SSUH2: variants seen among roughly 807,000 people sequenced by gnomAD.
SSUH2 encodes protein SSUH2 homolog.
In SSUH2, 47 loss-of-function variants were observed where a neutral mutation model predicts 55.3. The observed-to-expected ratio is 0.85, with a 90% CI of 0.67 to 1.08. The LOEUF (loss-of-function observed/expected upper bound fraction) is 1.08, where lower values mean the gene tolerates loss of function less well. SSUH2 is among the 50% of genes least tolerant of loss of function. The probability of loss-of-function intolerance (pLI) is 0.00; values close to 1 mark genes in which losing one functional copy is unlikely to be tolerated. For missense variants in SSUH2, 535 were observed against 490.7 expected (o/e 1.09, Z -0.85); for synonymous variants, 212 against 191.5 (o/e 1.11, Z -0.89).
intron 5 of SSUH2, chr3:8,663,905 C>T (rs1415305669): frequency 2.3e-6 from 1 of 444,408 alleles, no homozygotes; most frequent in Non-Finnish European, 4.5e-6. Flanking sequence ...AAGGAGGGAA[C>T]TGCTTTCTGA....
intron 10 of SSUH2, among the ~76,000 whole-genome samples, chr3:8,625,268 GGAA>G (rs1331581389): frequency 2.0e-5 from 3 of 151,956 alleles, no homozygotes; most frequent in Non-Finnish European, 4.4e-5. Flanking sequence ...AAAAGAGCGA[GGAA>G]GAAGGGAGGG....
In SSUH2 at chr3:8,680,954, TATC is replaced by T. The variant is rs201377738; in HGVS notation, c.-1046+934_-1046+936del. Among the ~76,000 whole-genome samples the T allele has an allele frequency of 7.4e-3, 1,078 of 145,738 alleles. 13 individuals are homozygous for T. The highest frequency in any genetic ancestry group is 0.012 in the Non-Finnish European group (775 of 63,722). ...ACACTGCCTGTGATGCTGGAATTAT[TATC>T]ATCCTCTCCCCCTCTTCCCTCCCTG... On this transcript the variant is annotated intron_variant, in intron 1 of 18. Coordinates refer to the SSUH2 transcript ENST00000317371.
rs562977711 is a variant in SSUH2 at position 8,651,019 on chromosome 3, C to T, written c.-307+7906G>A. Among the ~76,000 whole-genome samples, 4 of 152,374 alleles carry T rather than the reference C, an allele frequency of 2.6e-5. No homozygotes were observed. In the South Asian group the frequency reaches 8.3e-4, roughly 32 times the overall value. ...GATGCTAATCTCATAAGGCAGAAGG[C>T]TGCCTGCCAGCAATTGCACGCATTT... On this transcript the variant is annotated intron_variant, in intron 7 of 18. Coordinates refer to the SSUH2 transcript ENST00000317371.
chr3:8,666,672 A>G (rs62244199), intron 5 of SSUH2, among the ~76,000 whole-genome samples: 8,325 of 152,314 alleles, frequency 0.055, 270 homozygotes, highest in Middle Eastern at 0.085. Context: ...ACCAAGCAGC[A>G]GATGCTAGCT....
chr3:8,641,754 A>G (rs1700889159), intron 1 of SSUH2, among the ~76,000 whole-genome samples: 2 of 152,260 alleles, frequency 1.3e-5, no homozygotes, highest in Admixed American at 6.5e-5. Context: ...CAGTCACCAC[A>G]GCTAACGGCA....
intron 4 of SSUH2, 117 bp from the exon 5 acceptor site, chr3:8,632,226 C>T: frequency 1.3e-6 from 1 of 786,902 alleles, no homozygotes; most frequent in Non-Finnish European, 2.2e-6. Context: ...GAGGTCCATG[C>T]ACAACACCCT....
chr3:8,675,564 T>C (rs1440630435), intron 3 of SSUH2, among the ~76,000 whole-genome samples: 1 of 149,120 alleles, frequency 6.7e-6, no homozygotes, highest in African/African-American at 2.5e-5. Context: ...TGTGATTTAC[T>C]ATCCCACAGG....
intron 5 of SSUH2, among the ~76,000 whole-genome samples, chr3:8,664,642 C>A (rs1051033169): frequency 6.6e-6 from 1 of 152,162 alleles, no homozygotes; most frequent in East Asian, 1.9e-4. Context: ...GTGAAGATTA[C>A]AAACCTGGAG....
At chr3:8,664,449 C>T (rs1189937033) in intron 5 of SSUH2, among the ~76,000 whole-genome samples, 3 of 152,208 alleles carry the variant, frequency 2.0e-5, no homozygotes, top group Non-Finnish European at 4.4e-5. Context: ...ATTTATCCAT[C>T]TGCTCTTTCA....
chr3:8,680,664 T>TG (rs1352996952), intron 1 of SSUH2, among the ~76,000 whole-genome samples: 9 of 152,082 alleles, frequency 5.9e-5, no homozygotes, highest in African/African-American at 2.2e-4. Context: ...ACAACATCCC[T>TG]GGGGGTTTCC....
chr3:8,666,212 C>A (rs899669911), intron 5 of SSUH2, among the ~76,000 whole-genome samples: 1 of 152,124 alleles, frequency 6.6e-6, no homozygotes, highest in Non-Finnish European at 1.5e-5. Context: ...TCCTTAAGAG[C>A]AAGACCACCA....
intron 6 of SSUH2, among the ~76,000 whole-genome samples, chr3:8,660,604 C>T (rs1263306656): frequency 6.6e-6 from 1 of 152,212 alleles, no homozygotes; most frequent in Non-Finnish European, 1.5e-5. Context: ...ATTGTTACTG[C>T]TCCTTTCCCT....
chr3:8,675,584 G>A (rs1019917611), intron 3 of SSUH2, among the ~76,000 whole-genome samples: 7 of 96,456 alleles, frequency 7.3e-5, no homozygotes, highest in African/African-American at 1.0e-4. Flanking sequence ...GGGTCGGAAC[G>A]CAGCCCAGGA....
intron 3 of SSUH2, among the ~76,000 whole-genome samples, chr3:8,677,026 G>T (rs1451444140): frequency 1.4e-5 from 2 of 147,842 alleles, no homozygotes; most frequent in South Asian, 2.2e-4. Flanking sequence ...CCATCGCGGT[G>T]GGGGGAGGAA....
chr3:8,671,436 C>T (rs186921814), intron 4 of SSUH2, among the ~76,000 whole-genome samples: 12 of 152,146 alleles, frequency 7.9e-5, no homozygotes, highest in African/African-American at 2.9e-4. Flanking sequence ...ACAAGGTGTA[C>T]AAACCCTGTG....
chr3:8,648,874 G>T (rs1228731534), upstream of SSUH2, among the ~76,000 whole-genome samples: 1 of 152,106 alleles, frequency 6.6e-6, no homozygotes, highest in African/African-American at 2.4e-5. Context: ...ACTCTGGCCT[G>T]CCCCCACCGT....
chr3:8,678,215 A>G lies in SSUH2; in HGVS notation c.-900-862T>C, dbSNP rs565175723. The stretch of plus-strand genomic sequence containing the variant: ...ACCCCCTCCGCCTTGGAATATTATG[A>G]AGGAGCATCTCACACCGGGGTGTAT... On this transcript the variant is annotated intron_variant, in intron 2 of 18. Coordinates refer to the SSUH2 transcript ENST00000317371. Among the ~76,000 whole-genome samples, 3 of 152,206 alleles carry G rather than the reference A, an allele frequency of 2.0e-5. No homozygotes were observed. The South Asian group carries it at 6.3e-4, about 32-fold the overall frequency.
In SSUH2 at chr3:8,679,364, T is replaced by G. The variant is rs759235251; in HGVS notation, c.-901+341A>C. Among the ~76,000 whole-genome samples, 159 of 71,226 alleles carry G rather than the reference T, an allele frequency of 2.2e-3. 24 individuals are homozygous for G. Among genetic ancestry groups the G allele is most frequent in the Non-Finnish European group, 3.5e-3 (112 of 31,674 alleles). The allele number at this position is 71,226 out of a possible 152,430, so 46.7% of individuals were successfully genotyped here. ...CCTTGCTCTTCCGACCCCCATCGCA[T>G]TGGCGGGAGGCATCCCCCAGGAGGA... On this transcript the variant is annotated intron_variant, in intron 2 of 18. Coordinates refer to the SSUH2 transcript ENST00000317371.
chr3:8,661,673 T>C (rs1307002011), intron 6 of SSUH2, among the ~76,000 whole-genome samples: 2 of 152,234 alleles, frequency 1.3e-5, no homozygotes, highest in Non-Finnish European at 2.9e-5. Context: ...CAGCCTCAGT[T>C]TCCACAGGAC....
Sources: allele counts gnomAD v4.1 joint callset (sites outside exome capture counted in the v4.1 genomes callset), GRCh38; gene constraint gnomAD v4.1.1; transcripts MANE v1.5; gene names NCBI Gene and HGNC (gene_info 2026-07-23, HGNC 2026-07-21).